SNX25: variants seen among roughly 807,000 people sequenced by gnomAD.
SNX25 encodes sorting nexin 25, also known as sorting nexin-25.
SNX25 carries 62 observed loss-of-function variants against 113.7 expected under a neutral mutation model. The observed-to-expected ratio is 0.55, with a 90% CI of 0.44 to 0.67. The LOEUF is 0.67. SNX25 is among the 30% of genes least tolerant of loss of function. The pLI is 0.00. For synonymous variants in SNX25, 421 were observed against 436.2 expected (o/e 0.97, Z 0.43); for missense variants, 1,014 against 1,161.0 (o/e 0.87, Z 1.84).
chr4:185,336,980 G>T (rs1252982849), intron 10 of SNX25, among the ~76,000 whole-genome samples: 1 of 151,824 alleles, frequency 6.6e-6, no homozygotes, highest in Non-Finnish European at 1.5e-5. Flanking sequence ...TTGTCTATTC[G>T]TGTCCTTAGC....
intron 2 of SNX25, 98 bp from the exon 3 acceptor site, chr4:185,258,750 G>C (rs888171425): frequency 1.1e-6 from 1 of 901,500 alleles, no homozygotes; most frequent in African/African-American, 1.7e-5. Context: ...TTTAAACAGT[G>C]AATATTAAAT....
rs780488690 is a variant in SNX25, at chr4:185,259,074, C to T, written c.731+10C>T. The T allele has an allele frequency of 1.9e-6, 3 of 1,608,940 alleles. No individual in the cohort carries two copies. The Admixed American group carries it at 5.0e-5, about 27-fold the overall frequency. On this transcript the variant is annotated intron_variant, in intron 3 of 18. Transcript: ENST00000652585. ...AAGCTGCCAATGCCAGGTAACTGTT[C>T]TAAGCAACTTACCCCCTTTTTTGCA...
intron 6 of SNX25, among the ~76,000 whole-genome samples, chr4:185,289,501 G>A (rs1751850728): frequency 6.6e-6 from 1 of 152,168 alleles, no homozygotes. Context: ...TGATGGGGCT[G>A]AAGAAAGGGA....
chr4:185,212,491 G>GTGTTTGTTTTTTTT (rs546083196), intron 1 of SNX25, among the ~76,000 whole-genome samples: 2 of 104,944 alleles, frequency 1.9e-5, no homozygotes, highest in East Asian at 2.7e-4. Flanking sequence ...GTGTGTGTGT[G>GTGTTTGTTTTTTTT]TTTTTTTTTT....
At chr4:185,261,745 C>T (rs1747363830) in intron 3 of SNX25, among the ~76,000 whole-genome samples, 1 of 151,818 alleles carries the variant, frequency 6.6e-6, no homozygotes, top group South Asian at 2.1e-4. Context: ...TTTCTTATGC[C>T]AAGGGTAGAT....
At chr4:185,241,789 A>G (rs1237368675) in intron 1 of SNX25, among the ~76,000 whole-genome samples, 1 of 152,172 alleles carries the variant, frequency 6.6e-6, no homozygotes, top group Non-Finnish European at 1.5e-5. Context: ...CATCTTTCCT[A>G]AAACAGGCAT....
At chr4:185,236,359 C>A (rs1275848626) in intron 1 of SNX25, among the ~76,000 whole-genome samples, 2 of 134,192 alleles carry the variant, frequency 1.5e-5, no homozygotes, top group African/African-American at 4.9e-5. Context: ...AGAGTGAGAC[C>A]CTGACTGAAG....
chr4:185,375,492 A>ATATATATATATATATATG, the SNX25 span: 3 of 54,828 alleles, frequency 5.5e-5, no homozygotes, highest in African/African-American at 3.6e-4. Context: ...AAAAAAATAT[A>ATATATATATATATATATG]TATATATATA....
chr4:185,222,138 C>T (rs187108842), intron 1 of SNX25, among the ~76,000 whole-genome samples: 31 of 141,362 alleles, frequency 2.2e-4, no homozygotes, highest in Admixed American at 5.7e-4. Flanking sequence ...CATATACCCC[C>T]CATTCACTGT....
intron 2 of SNX25, among the ~76,000 whole-genome samples, chr4:185,254,043 A>G (rs7698980): frequency 0.37 from 56,073 of 152,086 alleles, 12,003 homozygotes; most frequent in East Asian, 0.57. Context: ...TCCAAGGCCC[A>G]CCGTATGGCT....
chr4:185,239,452 C>T (rs908957469), intron 1 of SNX25, among the ~76,000 whole-genome samples: 1 of 150,642 alleles, frequency 6.6e-6, no homozygotes, highest in Non-Finnish European at 1.5e-5. Context: ...CGCTGCACTC[C>T]AGCCTGGCAA....
At chr4:185,219,903 T>G (rs1739517411) in intron 1 of SNX25, among the ~76,000 whole-genome samples, 1 of 142,714 alleles carries the variant, frequency 7.0e-6, no homozygotes, top group South Asian at 2.2e-4. Flanking sequence ...AGCAGAGTTG[T>G]TAATCTTTTT....
intron 1 of SNX25, among the ~76,000 whole-genome samples, chr4:185,215,733 G>A (rs1430346627): frequency 1.3e-5 from 2 of 151,932 alleles, no homozygotes; most frequent in East Asian, 3.9e-4. Context: ...TTTGAGGAAG[G>A]TGGCATTTTG....
chr4:185,370,945 CT>C (rs2095412693), downstream of SNX25: 3 of 996,948 alleles, frequency 3.0e-6, no homozygotes, highest in Middle Eastern at 2.9e-4. Flanking sequence ...AAGTTGTTTG[CT>C]GTGTGGGGAA....
intron 1 of SNX25, among the ~76,000 whole-genome samples, chr4:185,245,748 C>A (rs191512367): frequency 7.3e-4 from 111 of 152,292 alleles, no homozygotes; most frequent in African/African-American, 2.6e-3. Context: ...TTAAAAGTGT[C>A]TGTGCTTGCA....
intron 2 of SNX25, among the ~76,000 whole-genome samples, chr4:185,255,587 T>C (rs1043011077): frequency 6.6e-6 from 1 of 152,228 alleles, no homozygotes; most frequent in Non-Finnish European, 1.5e-5. Flanking sequence ...TACAGCCTTT[T>C]ACATATATTT....
chr4:185,319,100 A>AT lies in SNX25; in HGVS notation c.1345-1620dup, dbSNP rs70962561. Reference sequence around the variant, plus strand: ...CCCTTTATTTTATTTTATTTTTTTTATTTTTTTTTTTTTAAAGGACATATC... The same window carrying AT: ...CCCTTTATTTTATTTTATTTTTTTTATTTTTTTTTTTTTTAAAGGACATATC... On this transcript the variant is annotated intron_variant, in intron 7 of 18. Transcript: ENST00000652585. Among the ~76,000 whole-genome samples the AT allele has an allele frequency of 4.8e-3, 555 of 116,610 alleles. 6 individuals carry two copies. The highest frequency in any genetic ancestry group is 0.016 in the East Asian group (71 of 4,572). 76.5% of individuals were successfully genotyped at this position (116,610 alleles called of 152,430 possible). A position where few individuals can be genotyped will look rare whatever the true frequency, so the allele number is the denominator to read the frequency against.
In SNX25 at chr4:185,353,576, T is replaced by C; in HGVS notation, c.2558T>C (p.Ile853Thr). The C allele has an allele frequency of 1.2e-6, 2 of 1,614,118 alleles. No individual in the cohort carries two copies. The highest frequency in any genetic ancestry group is 1.3e-5 in the African/African-American group (1 of 75,052). Residue 853 changes from isoleucine to threonine, a missense_variant, in exon 15 of 19, where the codon ATT (isoleucine) becomes ACT (threonine). Coordinates refer to ENST00000652585, the MANE Select transcript of SNX25 (RefSeq NM_001378034.2). ...TTGGCTGAACCATGTTTCATGTTGATTGGGGAGATTTTTGAACTTCGAGGA... is the reference window on the plus strand; with the variant it reads ...TTGGCTGAACCATGTTTCATGTTGACTGGGGAGATTTTTGAACTTCGAGGA... ...DALAEPCFML[I>T]GEIFELRGMF...
chr4:185,243,330 C>G (rs1441441847), intron 1 of SNX25, among the ~76,000 whole-genome samples: 2 of 152,178 alleles, frequency 1.3e-5, no homozygotes, highest in African/African-American at 4.8e-5. Context: ...TGAAACTCTG[C>G]TAGGCATGGT....
Sources: allele counts gnomAD v4.1 joint callset (sites outside exome capture counted in the v4.1 genomes callset), GRCh38; gene constraint gnomAD v4.1.1; transcripts MANE v1.5; gene names NCBI Gene and HGNC (gene_info 2026-07-23, HGNC 2026-07-21).